Variants in NRG1 observed in about 807,000 individuals in gnomAD.
The protein encoded by NRG1 is neuregulin 1.
In NRG1, 18 loss-of-function variants were observed where a neutral mutation model predicts 63.8. The observed-to-expected ratio is 0.28, with a 90% CI of 0.19 to 0.42. The LOEUF is 0.42. Ranked by LOEUF, NRG1 falls within the 10% of genes least tolerant of loss-of-function variation. The probability of loss-of-function intolerance (pLI) is 1.00; values close to 1 mark genes in which losing one functional copy is unlikely to be tolerated. For missense variants in NRG1, 762 were observed against 814.7 expected (o/e 0.94, Z 0.79); for synonymous variants, 302 against 301.3 (o/e 1.00, Z -0.02).
intron 7 of NRG1, among the ~76,000 whole-genome samples, chr8:32,745,759 A>T (rs564547639): frequency 6.6e-6 from 1 of 152,016 alleles, no homozygotes; most frequent in Non-Finnish European, 1.5e-5. Context: ...TTAGGGAGGA[A>T]AAAAGAAAAA....
rs553182520 is a variant in NRG1, at chr8:32,075,729, T to C, written c.37+436298T>C. 2.8e-4 allele frequency among the ~76,000 whole-genome samples: 39 copies of C among 137,846 alleles called. No individual in the cohort carries two copies. In the East Asian group the frequency reaches 8.2e-3, roughly 29 times the overall value. The allele number at this position is 137,846 out of a possible 152,430, so 90.4% of individuals were successfully genotyped here. A position where few individuals can be genotyped will look rare whatever the true frequency, so the allele number is the denominator to read the frequency against. On this transcript the variant is annotated intron_variant, in intron 1 of 10. Transcript: ENST00000519301. ...GCTCTGTCACCCAGGCTGGAGTGCA[T>C]TGGTGCAATCTCAGCTCACTGCAAC...
chr8:32,252,688 G>T (rs569682280), intron 1 of NRG1, among the ~76,000 whole-genome samples: 143 of 152,162 alleles, frequency 9.4e-4, no homozygotes, highest in Middle Eastern at 3.4e-3. Context: ...GCTCTCTTTT[G>T]GTTCCATATG....
At chr8:32,066,489 G>C (rs1420222173) in intron 1 of NRG1, among the ~76,000 whole-genome samples, 1 of 152,150 alleles carries the variant, frequency 6.6e-6, no homozygotes, top group East Asian at 1.9e-4. Flanking sequence ...TCAAAGATCA[G>C]ATAGTTGTAG....
chr8:32,439,771 ATTTT>A (rs11306096), intron 1 of NRG1, among the ~76,000 whole-genome samples: 4 of 133,490 alleles, frequency 3.0e-5, no homozygotes, highest in East Asian at 2.3e-4. Context: ...CGAATAAGTG[ATTTT>A]TTTTTTTTTT....
intron 1 of NRG1, among the ~76,000 whole-genome samples, chr8:32,008,253 A>C (rs1460051297): frequency 6.6e-6 from 1 of 151,902 alleles, no homozygotes; most frequent in Non-Finnish European, 1.5e-5. Context: ...GCATGACTTT[A>C]TTGAAGCTAG....
chr8:32,512,910 T>C (rs1030625979), intron 1 of NRG1, among the ~76,000 whole-genome samples: 6 of 152,182 alleles, frequency 3.9e-5, no homozygotes. Context: ...CCTTTAAAAA[T>C]AGCATTGCAG....
At chr8:32,145,741 C>T (rs188294341) in intron 1 of NRG1, among the ~76,000 whole-genome samples, 27 of 152,310 alleles carry the variant, frequency 1.8e-4, no homozygotes, top group Admixed American at 5.2e-4. Context: ...GCCTGCCTCT[C>T]TGTAAATGGT....
chr8:32,071,339 G>A (rs570103404), intron 1 of NRG1, among the ~76,000 whole-genome samples: 30 of 152,268 alleles, frequency 2.0e-4, no homozygotes, highest in Middle Eastern at 3.4e-3. Flanking sequence ...CTGTGCAGTC[G>A]TAGAGTATTC....
At position 31,688,953 on chromosome 8, in the gene NRG1, G is replaced by A. The variant is rs115077276; in HGVS notation, c.37+49522G>A. ...TGTCTTCCCTTCTGGAGGTTCAGGG[G>A]ACAATCTGTTTTCCTGCCTTTTCCA... On this transcript the variant is annotated intron_variant, in intron 1 of 10. Transcript: ENST00000519301. Among the ~76,000 whole-genome samples the A allele has an allele frequency of 4.3e-3, 657 of 152,254 alleles. 8 individuals are homozygous for A. Among genetic ancestry groups the A allele is most frequent in the African/African-American group, 0.014 (600 of 41,544 alleles).
At chr8:31,669,158 C>T (rs1350619855) in intron 1 of NRG1, among the ~76,000 whole-genome samples, 2 of 151,956 alleles carry the variant, frequency 1.3e-5, no homozygotes, top group Non-Finnish European at 2.9e-5. Flanking sequence ...TGGGCACAAG[C>T]GATCCTCCCA....
At chr8:32,414,501 C>T (rs2129485689) in intron 1 of NRG1, among the ~76,000 whole-genome samples, 1 of 152,244 alleles carries the variant, frequency 6.6e-6, no homozygotes, top group African/African-American at 2.4e-5. Flanking sequence ...GTTGCCCTTC[C>T]TGTTCACAAG....
rs115115471 is a variant in NRG1, at chr8:32,087,149, C to G, written c.37+447718C>G. On this transcript the variant is annotated intron_variant, in intron 1 of 10. Transcript: ENST00000519301. ...GTTTGGATGTTTGTCCTCTCCAAAT[C>G]GCATGTAGAAACATGATTCCCATTG... Among the ~76,000 whole-genome samples, 724 of 152,254 alleles carry G rather than the reference C, an allele frequency of 4.8e-3. 9 individuals carry two copies. Among genetic ancestry groups the G allele is most frequent in the African/African-American group, 0.016 (682 of 41,534 alleles).
chr8:31,752,955 C>T (rs1192336294), intron 1 of NRG1, among the ~76,000 whole-genome samples: 1 of 152,012 alleles, frequency 6.6e-6, no homozygotes, highest in East Asian at 1.9e-4. Context: ...GGGCCACCTA[C>T]TGTGTTTTAT....
chr8:32,024,482 C>A (rs932475473), intron 1 of NRG1, among the ~76,000 whole-genome samples: 6 of 152,118 alleles, frequency 3.9e-5, no homozygotes, highest in Non-Finnish European at 7.4e-5. Context: ...ATGGAGTTAT[C>A]GTGAGTGGAA....
intron 1 of NRG1, among the ~76,000 whole-genome samples, chr8:32,344,083 C>G (rs1402488102): frequency 1.3e-5 from 2 of 152,180 alleles, no homozygotes; most frequent in Non-Finnish European, 2.9e-5. Context: ...GTATTTAAAC[C>G]TTGACCACAC....
intron 1 of NRG1, among the ~76,000 whole-genome samples, chr8:31,877,794 G>T (rs1830043187): frequency 6.6e-6 from 1 of 152,098 alleles, no homozygotes; most frequent in Non-Finnish European, 1.5e-5. Flanking sequence ...AGGCAAGGTT[G>T]CTGGGTGCCC....
intron 1 of NRG1, among the ~76,000 whole-genome samples, chr8:32,218,952 G>A (rs1259087417): frequency 6.6e-6 from 1 of 152,158 alleles, no homozygotes; most frequent in African/African-American, 2.4e-5. Context: ...AATCACAGAA[G>A]ACATTTACCG....
chr8:32,140,457 T>A (rs904976501), intron 1 of NRG1, among the ~76,000 whole-genome samples: 1 of 151,770 alleles, frequency 6.6e-6, no homozygotes, highest in Non-Finnish European at 1.5e-5. Context: ...ATGCTTTTCT[T>A]CTTTCTTTCT....
At chr8:31,935,581 T>A (rs1835235238) in intron 1 of NRG1, among the ~76,000 whole-genome samples, 3 of 152,134 alleles carry the variant, frequency 2.0e-5, no homozygotes, top group Non-Finnish European at 4.4e-5. Context: ...ATCTGACAGG[T>A]GAGAAACTGA....
Sources: gnomAD v4.1 joint callset for allele counts (sites outside exome capture counted in the v4.1 genomes callset) on GRCh38, gnomAD v4.1.1 for gene constraint, MANE v1.5 for transcripts, NCBI Gene and HGNC (gene_info 2026-07-23, HGNC 2026-07-21) for gene names.